The following PGGHG variants were observed in gnomAD, a reference collection of about 807,000 sequenced individuals.
PGGHG encodes the protein protein-glucosylgalactosylhydroxylysine glucosidase.
In PGGHG, 67 loss-of-function variants were observed where a neutral mutation model predicts 74.5. That is an observed-to-expected ratio of 0.90 (90% CI 0.74 to 1.10). PGGHG has a LOEUF of 1.10. Ranked by LOEUF, PGGHG falls within the 50% of genes least tolerant of loss-of-function variation. PGGHG has a pLI of 0.00. For missense variants in PGGHG, 1,034 were observed against 981.5 expected (o/e 1.05, Z -0.72); for synonymous variants, 496 against 419.9 (o/e 1.18, Z -2.21).
rs1482921681 is a variant in PGGHG at position 294,582 on chromosome 11, G to A, written c.2047G>A (p.Ala683Thr). 8.3e-7 allele frequency: 1 copy of A among 1,201,998 alleles called. No individual in the cohort carries two copies. Among genetic ancestry groups the A allele is most frequent in the Non-Finnish European group, 1.1e-6 (1 of 945,182 alleles). 74.5% of individuals were successfully genotyped at this position (1,201,998 alleles called of 1,614,324 possible). ...PGHKVSFPRS[A>T]GRIQMSPPKL... The stretch of plus-strand genomic sequence containing the variant: ...ACACAAGGTCTCCTTTCCCCGCTCG[G>A]CTGGCCGGATACAAATGTCACCCCC... The change falls in exon 14 of 14, where the codon GCT (alanine) becomes ACT (threonine). Residue 683 changes from alanine (A) to threonine (T), a missense_variant. Transcript: ENST00000409548.
chr11:290,125 C>T (rs1400259268), intron 2 of PGGHG, 50 bp downstream of exon 2: 6 of 1,481,730 alleles, frequency 4.0e-6, no homozygotes, highest in Non-Finnish European at 5.4e-6. Context: ...TGTTCCAGGT[C>T]GGTGGGGCAA....
Position 293,933 on chromosome 11 carries a change from T to C in PGGHG, c.1710+8T>C, listed in dbSNP as rs1564842461. On this transcript the variant is annotated splice_region_variant and intron_variant, in intron 11 of 13. Transcript: ENST00000409548. ...ATGGCTGAACCCTTCAAGGTCAGCC[T>C]GGCCACACCTGCCTCCCACTGGGCC... The C allele has an allele frequency of 1.9e-6, 3 of 1,608,364 alleles. No homozygotes were observed. Among genetic ancestry groups the C allele is most frequent in the Non-Finnish European group, 2.5e-6 (3 of 1,177,708 alleles).
intron 7 of PGGHG, 81 bp from the exon 8 acceptor site, chr11:293,082 C>T (rs1845774350): frequency 2.5e-6 from 4 of 1,613,662 alleles, no homozygotes; most frequent in Non-Finnish European, 3.4e-6. Flanking sequence ...CTCACGTGTG[C>T]CAGCCCCACG....
Position 291,958 on chromosome 11 carries a change from G to T in PGGHG, c.907-18G>T. 3 of 1,596,806 alleles carry T rather than the reference G, an allele frequency of 1.9e-6. No individual in the cohort carries two copies. The highest frequency in any genetic ancestry group is 1.7e-6 in the Non-Finnish European group (2 of 1,172,980). ...GTGACGGCCTGTCCGGCGCTAGAAC[G>T]AGGGACCGTGCTCTCAGGACCTCTG... On this transcript the variant is annotated intron_variant, in intron 4 of 13. Transcript: ENST00000409548.
chr11:292,532 T>A lies in PGGHG; in HGVS notation c.1027-14T>A. 6.2e-7 allele frequency: 1 copy of A among 1,612,554 alleles called. No homozygotes were observed. Among genetic ancestry groups the A allele is most frequent in the Non-Finnish European group, 8.5e-7 (1 of 1,179,454 alleles). ...CTCCAACAAGGTCAAGTCTGCCCCC[T>A]CCCAACCCCTCAGGGAGCCAAGTTT... On this transcript the variant is annotated splice_polypyrimidine_tract_variant and intron_variant, in intron 5 of 13. Transcript: ENST00000409548.
At position 290,875 on chromosome 11, in the gene PGGHG, C is replaced by T. The variant is rs978246689; in HGVS notation, c.668C>T (p.Ala223Val). 5.0e-6 allele frequency: 8 copies of T among 1,611,282 alleles called. No individual in the cohort carries two copies. The highest frequency in any genetic ancestry group is 3.3e-5 in the Admixed American group (2 of 59,844). ...ACLTEALQLQ[A>V]RGALYTAHAQ... is the part of the protein sequence containing the mutation. ...CTCACTGAGGCCCTGCAGCTGCAGGCCAGGGGAGCTCTGTATACGGCTCAC... is the reference window on the plus strand; with the variant it reads ...CTCACTGAGGCCCTGCAGCTGCAGGTCAGGGGAGCTCTGTATACGGCTCAC... The change falls in exon 4 of 14, where the codon GCC (alanine) becomes GTC (valine). Residue 223 changes from alanine (A) to valine (V), a missense_variant. Coordinates refer to ENST00000409548, the MANE Select transcript of PGGHG (RefSeq NM_025092.5).
chr11:293,344 C>G, intron 8 of PGGHG, 22 bp from the exon 9 acceptor site: 1 of 1,608,568 alleles, frequency 6.2e-7, no homozygotes, highest in Non-Finnish European at 8.5e-7. Context: ...TTGCAGCCTC[C>G]CCCACCTACC....
At chr11:291,468 T>C (rs964282355) in intron 4 of PGGHG, 1 of 289,026 alleles carries the variant, frequency 3.5e-6, no homozygotes. Context: ...GACGGGGACC[T>C]GTGGGGACTG....
chr11:291,128 C>T lies in PGGHG; in HGVS notation c.906+15C>T. The T allele has an allele frequency of 5.2e-6, 8 of 1,543,502 alleles. No homozygotes were observed. The highest frequency in any genetic ancestry group is 1.2e-5 in the South Asian group (1 of 80,884). ...TCTGGGACCAGGTGAGCACTGTACACCCAGCACCAGCCACACAGCAGGCGA... is the reference window on the plus strand; with the variant it reads ...TCTGGGACCAGGTGAGCACTGTACATCCAGCACCAGCCACACAGCAGGCGA... On this transcript the variant is annotated intron_variant, in intron 4 of 13. Transcript: ENST00000409548.
chr11:293,794 C>T, intron 10 of PGGHG, 36 bp from the exon 11 acceptor site: 1 of 1,613,434 alleles, frequency 6.2e-7, no homozygotes, highest in Non-Finnish European at 8.5e-7. Flanking sequence ...ACGCAGTGGG[C>T]CTCACCCCTG....
chr11:293,138 C>T (rs1678006996), intron 7 of PGGHG, 25 bp from the exon 8 acceptor site: 1 of 1,613,808 alleles, frequency 6.2e-7, no homozygotes, highest in Non-Finnish European at 8.5e-7. Flanking sequence ...CTGCACTGAG[C>T]ACCATCTTGG....
In PGGHG at chr11:292,892, C is replaced by A. The variant is rs146770651; in HGVS notation, c.1165C>A (p.Gln389Lys). The A allele has an allele frequency of 2.6e-4, 427 of 1,613,938 alleles. No individual in the cohort carries two copies. The highest frequency in any genetic ancestry group is 3.5e-4 in the Non-Finnish European group (411 of 1,180,000). ...ELYYHTTQDLQLFREAGGWDV... is the reference protein window; with the variant it reads ...ELYYHTTQDLKLFREAGGWDV... ...GCCTCCTCCTGCTCCCCAGGACCTG[C>A]AGCTATTTCGAGAGGCTGGTGGCTG... Residue 389 changes from glutamine (Q) to lysine (K), a missense_variant, in exon 7 of 14, where the codon CAG (glutamine) becomes AAG (lysine). Gln to Lys is a moderately conservative substitution (Grantham distance 53, BLOSUM62 1). Transcript: ENST00000409548.
Position 289,581 on chromosome 11 carries a change from C to T in PGGHG, c.-13-223C>T, listed in dbSNP as rs1845654832. ...GGAGGGAGAGACACACTCAGGGGCTCAGCTGGGTTCCTGGAGATCAACCTT... is the reference window on the plus strand; with the variant it reads ...GGAGGGAGAGACACACTCAGGGGCTTAGCTGGGTTCCTGGAGATCAACCTT... On this transcript the variant is annotated intron_variant, in intron 1 of 13. Coordinates refer to ENST00000409548, the MANE Select transcript of PGGHG (RefSeq NM_025092.5). The surrounding 1 kb of genome is among the most constrained non-coding windows in gnomAD (Gnocchi z 5.6). 1 of 586,434 alleles carries T rather than the reference C, an allele frequency of 1.7e-6. No homozygotes were observed. Among genetic ancestry groups the T allele is most frequent in the Non-Finnish European group, 3.0e-6 (1 of 337,220 alleles). 36.3% of individuals were successfully genotyped at this position (586,434 alleles called of 1,614,324 possible).
rs901765884 is a variant in PGGHG at position 295,115 on chromosome 11, C to G, written c.*366C>G. The G allele has an allele frequency of 3.2e-5, 6 of 189,328 alleles. No homozygotes were observed. The East Asian group carries it at 7.8e-4, about 25-fold the overall frequency. The allele number at this position is 189,328 out of a possible 1,614,324, so 11.7% of individuals were successfully genotyped here. A position where few individuals can be genotyped will look rare whatever the true frequency, so the allele number is the denominator to read the frequency against. On this transcript the variant is annotated 3_prime_UTR_variant, in exon 14 of 14. Transcript: ENST00000409548. The stretch of plus-strand genomic sequence containing the variant: ...GCAGTGGTCACAGCGGCCGGCCGCT[C>G]TGCTGAGAAGGCAGAGAGGCAGGCT...
chr11:291,578 G>T, intron 4 of PGGHG: 1 of 259,652 alleles, frequency 3.9e-6, no homozygotes. Flanking sequence ...GCTGCTGGGC[G>T]TGGAGGTGTC....
Position 290,095 on chromosome 11 carries a change from C to A in PGGHG, c.259+20C>A. On this transcript the variant is annotated intron_variant, in intron 2 of 13. Coordinates refer to ENST00000409548, the MANE Select transcript of PGGHG (RefSeq NM_025092.5). Reference sequence around the variant, plus strand: ...ACACAGGTAGCGCCACCTGGCCTGCCTCACCCCTGCCCCAGGCATTGTTCC... The same window carrying A: ...ACACAGGTAGCGCCACCTGGCCTGCATCACCCCTGCCCCAGGCATTGTTCC... The A allele has an allele frequency of 6.6e-7, 1 of 1,508,334 alleles. No homozygotes were observed. Among genetic ancestry groups the A allele is most frequent in the South Asian group, 1.3e-5 (1 of 79,254 alleles). The allele number at this position is 1,508,334 out of a possible 1,614,324, so 93.4% of individuals were successfully genotyped here. A position where few individuals can be genotyped will look rare whatever the true frequency, so the allele number is the denominator to read the frequency against.
chr11:291,156 C>T, intron 4 of PGGHG, 43 bp downstream of exon 4: 5 of 1,517,518 alleles, frequency 3.3e-6, no homozygotes, highest in Non-Finnish European at 3.5e-6. Context: ...GCAGGCGACA[C>T]ATGGAGGTCC....
At chr11:291,726 G>T in intron 4 of PGGHG, 1 of 477,598 alleles carries the variant, frequency 2.1e-6, no homozygotes, top group South Asian at 3.0e-5. Context: ...TATTCGGGCT[G>T]GAGCCTCTGA....
At chr11:291,152 G>C (rs765070238) in intron 4 of PGGHG, 39 bp downstream of exon 4, 9 of 1,522,024 alleles carry the variant, frequency 5.9e-6, no homozygotes, top group Non-Finnish European at 8.0e-6. Flanking sequence ...CACAGCAGGC[G>C]ACACATGGAG....
Sources: allele counts gnomAD v4.1 joint callset, GRCh38; gene constraint gnomAD v4.1.1; non-coding constraint Gnocchi (gnomAD v3.1); transcripts MANE v1.5; gene names NCBI Gene and HGNC (gene_info 2026-07-23, HGNC 2026-07-21).